Variants in NFIB observed in about 807,000 individuals in gnomAD.
NFIB encodes the protein nuclear factor 1 B-type.
NFIB carries 11 observed loss-of-function variants against 61.5 expected under a neutral mutation model. That is an observed-to-expected ratio of 0.18 (90% CI 0.11 to 0.30). NFIB has a LOEUF of 0.30. NFIB is among the 10% of genes least tolerant of loss of function. The pLI is 1.00. For missense variants in NFIB, 471 were observed against 608.9 expected (o/e 0.77, Z 2.38); for synonymous variants, 260 against 216.5 (o/e 1.20, Z -1.76).
intron 10 of NFIB, chr9:14,096,613 C>A (rs1002511010): frequency 1.1e-4 from 16 of 152,104 alleles, no homozygotes; most frequent in African/African-American, 3.6e-4. Flanking sequence ...ATTGTTCCCC[C>A]AACCTAAGTC....
intron 2 of NFIB, among the ~76,000 whole-genome samples, chr9:14,215,352 AC>A (rs1380863968): frequency 6.7e-6 from 1 of 149,678 alleles, no homozygotes; most frequent in Admixed American, 6.6e-5. Flanking sequence ...GAAAATGAAA[AC>A]CTTAAACATC....
At chr9:14,300,840 C>G (rs989333615) in intron 2 of NFIB, among the ~76,000 whole-genome samples, 8 of 152,100 alleles carry the variant, frequency 5.3e-5, no homozygotes, top group African/African-American at 1.9e-4. Flanking sequence ...ATATAGCCTA[C>G]CAGTCTAGTT....
At chr9:14,285,867 T>C (rs989648873) in intron 2 of NFIB, among the ~76,000 whole-genome samples, 7 of 151,602 alleles carry the variant, frequency 4.6e-5, no homozygotes, top group African/African-American at 7.3e-5. Context: ...ACTTGTAAGA[T>C]TGGTATTATC....
intron 1 of NFIB, among the ~76,000 whole-genome samples, chr9:14,382,784 T>C (rs1004947124): frequency 1.2e-4 from 18 of 151,982 alleles, no homozygotes; most frequent in African/African-American, 2.4e-4. Context: ...AGAAAGATGA[T>C]TGGAATAAAT....
At chr9:14,204,610 A>T in intron 2 of NFIB, 1 of 854,834 alleles carries the variant, frequency 1.2e-6, no homozygotes, top group Non-Finnish European at 1.9e-6. Flanking sequence ...CGGAGAAGAA[A>T]GCGCCGGCAA....
chr9:14,433,605 T>C, the NFIB span, among the ~76,000 whole-genome samples: 8 of 152,302 alleles, frequency 5.3e-5, no homozygotes, highest in South Asian at 2.1e-4. Context: ...TATTACTGTA[T>C]AGCCCTGGCA....
Position 14,394,021 on chromosome 9 carries a change from C to T in NFIB, c.108+4503G>A, listed in dbSNP as rs766728367. Among the ~76,000 whole-genome samples the T allele has an allele frequency of 1.2e-4, 18 of 152,156 alleles. 1 individual carries two copies. The highest frequency in any genetic ancestry group is 1.5e-4 in the Non-Finnish European group (10 of 68,034). On this transcript the variant is annotated intron_variant, in intron 1 of 8. Coordinates refer to the NFIB transcript ENST00000380934. Reference sequence around the variant, plus strand: ...ATAAGACTTTTGTTATCTGTCCATCCACCCACTCATCCATCTGTTTATGTA... The same window carrying T: ...ATAAGACTTTTGTTATCTGTCCATCTACCCACTCATCCATCTGTTTATGTA...
the NFIB span, among the ~76,000 whole-genome samples, chr9:14,493,967 C>T: frequency 2.0e-5 from 3 of 152,176 alleles, no homozygotes; most frequent in African/African-American, 4.8e-5. Flanking sequence ...TCAGGTTTCA[C>T]ATCAATTAAA....
At chr9:14,100,762 T>C (rs2035658941) in intron 10 of NFIB, among the ~76,000 whole-genome samples, 1 of 152,236 alleles carries the variant, frequency 6.6e-6, no homozygotes, top group African/African-American at 2.4e-5. Flanking sequence ...TTTAAATCTC[T>C]AACAACTTAC....
the NFIB span, among the ~76,000 whole-genome samples, chr9:14,416,587 A>G: frequency 6.6e-6 from 1 of 152,132 alleles, no homozygotes. Flanking sequence ...AAAATTTTTT[A>G]CAGCTGTACA....
intron 2 of NFIB, among the ~76,000 whole-genome samples, chr9:14,227,141 CAAAA>C (rs747407066): frequency 2.3e-5 from 2 of 85,132 alleles, no homozygotes; most frequent in African/African-American, 4.0e-5. Context: ...AACTCCGTGT[CAAAA>C]AAAAAAAAAA....
At chr9:14,322,075 TTAAAAAA>T (rs1400777030) in intron 1 of NFIB, 1 of 1,116,238 alleles carries the variant, frequency 9.0e-7, no homozygotes, top group South Asian at 5.0e-5. Flanking sequence ...TTGTGTTTAG[TTAAAAAA>T]AAAAAAAAAA....
At chr9:14,346,187 G>A (rs1160676181) in intron 1 of NFIB, among the ~76,000 whole-genome samples, 2 of 152,054 alleles carry the variant, frequency 1.3e-5, no homozygotes, top group Admixed American at 6.5e-5. Context: ...TGCGGTGGGC[G>A]CCGGAGTCAA....
the NFIB span, among the ~76,000 whole-genome samples, chr9:14,412,795 C>A: frequency 3.5e-4 from 53 of 152,272 alleles, no homozygotes; most frequent in East Asian, 2.3e-3. Context: ...AGGGACAAAG[C>A]AAAAGTAGGG....
chr9:14,126,690 C>T (rs1242672986), intron 6 of NFIB, among the ~76,000 whole-genome samples: 7 of 152,176 alleles, frequency 4.6e-5, no homozygotes, highest in African/African-American at 1.7e-4. Flanking sequence ...CCTGTACAAA[C>T]GTCTGAATGC....
At chr9:14,204,180 AC>A (rs1272604041) in intron 2 of NFIB, 1 of 498,198 alleles carries the variant, frequency 2.0e-6, no homozygotes, top group Non-Finnish European at 3.5e-6. Context: ...ACCTTTTCAT[AC>A]CTTTCTATGG....
chr9:14,265,272 G>C (rs917319259), intron 2 of NFIB, among the ~76,000 whole-genome samples: 5 of 152,166 alleles, frequency 3.3e-5, no homozygotes, highest in Non-Finnish European at 7.4e-5. Flanking sequence ...GAATGTTTAT[G>C]TCCCCCCAAA....
chr9:14,177,604 G>C (rs985668225), intron 3 of NFIB, among the ~76,000 whole-genome samples: 1 of 151,524 alleles, frequency 6.6e-6, no homozygotes, highest in Admixed American at 6.6e-5. Flanking sequence ...ATTTAAGTTG[G>C]GTATAATGTG....
chr9:14,457,953 T>A, the NFIB span, among the ~76,000 whole-genome samples: 1 of 152,204 alleles, frequency 6.6e-6, no homozygotes, highest in Non-Finnish European at 1.5e-5. Flanking sequence ...GAGGAGCTGG[T>A]ACCATTCCTT....
Sources: allele counts gnomAD v4.1 joint callset (sites outside exome capture counted in the v4.1 genomes callset), GRCh38; gene constraint gnomAD v4.1.1; transcripts MANE v1.5; gene names NCBI Gene and HGNC (gene_info 2026-07-23, HGNC 2026-07-21).